The following ST7 variants were observed in gnomAD, a reference collection of about 807,000 sequenced individuals.
ST7 encodes the protein suppression of tumorigenicity 7.
In ST7, 28 loss-of-function variants were observed where a neutral mutation model predicts 78.7. That is an observed-to-expected ratio of 0.36 (90% CI 0.26 to 0.49). The LOEUF is 0.49. Ranked by LOEUF, ST7 falls within the 20% of genes least tolerant of loss-of-function variation. The probability of loss-of-function intolerance (pLI) is 0.99; values close to 1 mark genes in which losing one functional copy is unlikely to be tolerated. For synonymous variants in ST7, 247 were observed against 249.6 expected (o/e 0.99, Z 0.10); for missense variants, 418 against 696.0 (o/e 0.60, Z 4.49).
chr7:117,097,767 T>G lies in ST7; in HGVS notation c.152-1995T>G, dbSNP rs200904884. On this transcript the variant is annotated intron_variant, in intron 1 of 15. Coordinates refer to ENST00000323984, the MANE Select transcript of ST7 (RefSeq NM_001369598.1). ...TGTGCACATTTGATTTTTTTTCCTT[T>G]TAAAAAATCTCCTTCCTTCCACGAA... Among the ~76,000 whole-genome samples, 3 of 147,042 alleles carry G rather than the reference T, an allele frequency of 2.0e-5. No homozygotes were observed. In the East Asian group the frequency reaches 6.0e-4, roughly 29 times the overall value.
chr7:117,217,317 C>T (rs1167038792), intron 13 of ST7, among the ~76,000 whole-genome samples: 1 of 151,738 alleles, frequency 6.6e-6, no homozygotes, highest in Non-Finnish European at 1.5e-5. Flanking sequence ...AAAAACTTCC[C>T]ACGTAGGTTT....
chr7:117,035,577 T>C (rs1026969321), intron 1 of ST7, among the ~76,000 whole-genome samples: 1 of 152,212 alleles, frequency 6.6e-6, no homozygotes, highest in Admixed American at 6.5e-5. Flanking sequence ...TGTCAGAACC[T>C]TTCTCATCAC....
At chr7:117,174,170 TA>T (rs377633202) in intron 10 of ST7, among the ~76,000 whole-genome samples, 1 of 152,206 alleles carries the variant, frequency 6.6e-6, no homozygotes, top group African/African-American at 2.4e-5. Context: ...GGTATTAGTC[TA>T]AAATACTATA....
chr7:116,994,823 G>C (rs927302922), intron 1 of ST7, among the ~76,000 whole-genome samples: 27 of 152,224 alleles, frequency 1.8e-4, no homozygotes, highest in African/African-American at 6.0e-4. Flanking sequence ...TTGATGCTGG[G>C]AATATGTGTA....
At chr7:117,084,735 T>C (rs1437700573) in intron 1 of ST7, among the ~76,000 whole-genome samples, 1 of 152,116 alleles carries the variant, frequency 6.6e-6, no homozygotes, top group Non-Finnish European at 1.5e-5. Context: ...ATTATTATTA[T>C]TCATTATTAT....
intron 1 of ST7, among the ~76,000 whole-genome samples, chr7:117,036,412 C>A (rs1296085534): frequency 1.3e-5 from 2 of 152,174 alleles, no homozygotes; most frequent in Non-Finnish European, 2.9e-5. Flanking sequence ...TTATCATGAT[C>A]AGTGGAACTG....
intron 12 of ST7, among the ~76,000 whole-genome samples, chr7:117,193,961 G>A (rs1235744543): frequency 6.6e-6 from 1 of 152,094 alleles, no homozygotes; most frequent in African/African-American, 2.4e-5. Flanking sequence ...ATTTACCTTC[G>A]GAGGGCTACT....
chr7:117,184,928 A>T (rs1257047582), intron 10 of ST7, among the ~76,000 whole-genome samples: 1 of 152,194 alleles, frequency 6.6e-6, no homozygotes, highest in Non-Finnish European at 1.5e-5. Flanking sequence ...AATTTCTGGA[A>T]ACCTCTAATT....
At chr7:117,208,786 G>A (rs59515456) in intron 12 of ST7, among the ~76,000 whole-genome samples, 8,029 of 152,018 alleles carry the variant, frequency 0.053, 708 homozygotes, top group African/African-American at 0.18. Context: ...CTTTTTAAGC[G>A]CTTGATCTTG....
At chr7:117,119,442 G>A (rs1803183640) in intron 2 of ST7, 119 bp from the exon 3 acceptor site, 1 of 1,003,360 alleles carries the variant, frequency 1.0e-6, no homozygotes, top group Non-Finnish European at 1.4e-6. Context: ...AGAATAAACA[G>A]TTTTTGAAAT....
Position 117,031,495 on chromosome 7 carries a change from T to C in ST7, c.152-68267T>C, listed in dbSNP as rs1397659831. 4.0e-5 allele frequency among the ~76,000 whole-genome samples: 5 copies of C among 125,114 alleles called. 1 individual carries two copies. The highest frequency in any genetic ancestry group is 1.6e-4 in the Admixed American group (2 of 12,410). 82.1% of individuals were successfully genotyped at this position (125,114 alleles called of 152,430 possible). ...ATATATGTGTGTATATGTGCATATA[T>C]ATGCATATATGTGTGTATATGTGCA... On this transcript the variant is annotated intron_variant, in intron 1 of 15. Coordinates refer to ENST00000323984, the MANE Select transcript of ST7 (RefSeq NM_001369598.1).
chr7:116,971,211 T>C (rs1366562341), intron 1 of ST7, among the ~76,000 whole-genome samples: 1 of 152,176 alleles, frequency 6.6e-6, no homozygotes, highest in Non-Finnish European at 1.5e-5. Context: ...AAAAATAATA[T>C]AAAATTTAAA....
At chr7:117,103,250 A>G (rs1039382709) in intron 2 of ST7, among the ~76,000 whole-genome samples, 1 of 152,346 alleles carries the variant, frequency 6.6e-6, no homozygotes, top group Non-Finnish European at 1.5e-5. Context: ...ATAGAAAAAA[A>G]AATCTAAAAT....
intron 1 of ST7, among the ~76,000 whole-genome samples, chr7:117,067,034 G>A (rs922330594): frequency 1.3e-5 from 2 of 151,972 alleles, no homozygotes; most frequent in South Asian, 4.2e-4. Flanking sequence ...CTTTCATTTA[G>A]CCTAATGTTT....
chr7:117,198,233 T>C, intron 12 of ST7: 1 of 412,086 alleles, frequency 2.4e-6, no homozygotes, highest in Non-Finnish European at 4.8e-6. Context: ...AATTACATCG[T>C]GTAATTCATT....
intron 2 of ST7, among the ~76,000 whole-genome samples, chr7:117,110,829 T>C (rs575523934): frequency 2.6e-5 from 4 of 152,366 alleles, no homozygotes; most frequent in African/African-American, 9.6e-5. Context: ...TGGCTGCCTT[T>C]GCAGATCTGG....
intron 9 of ST7, among the ~76,000 whole-genome samples, chr7:117,160,653 G>GTGTGTATATATATA (rs150222080): frequency 6.1e-5 from 9 of 147,624 alleles, no homozygotes; most frequent in African/African-American, 2.3e-4. Flanking sequence ...GTGTGTGTGT[G>GTGTGTATATATATA]TATATATATA....
intron 12 of ST7, among the ~76,000 whole-genome samples, chr7:117,196,475 A>AT (rs1810314812): frequency 6.6e-6 from 1 of 152,014 alleles, no homozygotes. Context: ...GTCAGGTAAA[A>AT]TTTTTTTGCG....
At chr7:117,016,183 C>A (rs1037508135) in intron 1 of ST7, among the ~76,000 whole-genome samples, 5 of 152,032 alleles carry the variant, frequency 3.3e-5, no homozygotes, top group African/African-American at 1.2e-4. Context: ...GCAAGTATAC[C>A]TGTATCTGTG....
Sources: allele counts gnomAD v4.1 joint callset (sites outside exome capture counted in the v4.1 genomes callset), GRCh38; gene constraint gnomAD v4.1.1; transcripts MANE v1.5; gene names NCBI Gene and HGNC (gene_info 2026-07-23, HGNC 2026-07-21).